Variants in RAD51B observed in about 807,000 individuals in gnomAD.
The protein encoded by RAD51B is RAD51 paralog B, also known as DNA repair protein RAD51 homolog 2.
In RAD51B, 38 loss-of-function variants were observed where a neutral mutation model predicts 42.2. The ratio of observed to expected loss-of-function variants is 0.90; its 90% CI spans 0.70 to 1.18. The LOEUF is 1.18. Ranked by LOEUF, RAD51B falls within the 50% of genes most tolerant of loss-of-function variation. RAD51B has a pLI of 0.00. For synonymous variants in RAD51B, 154 were observed against 145.2 expected, an observed-to-expected ratio of 1.06 and a Z score of -0.43; for missense variants, 373 against 400.7, an observed-to-expected ratio of 0.93 and a Z score of 0.59.
At chr14:68,662,155 C>G (rs1892946057) in intron 11 of RAD51B, among the ~76,000 whole-genome samples, 5 of 152,218 alleles carry the variant, frequency 3.3e-5, no homozygotes, top group Admixed American at 3.3e-4. Context: ...ATCTTCAACA[C>G]TCTTCTTCAG....
At chr14:68,360,348 G>A (rs1296317618) in intron 8 of RAD51B, among the ~76,000 whole-genome samples, 1 of 152,220 alleles carries the variant, frequency 6.6e-6, no homozygotes, top group Non-Finnish European at 1.5e-5. Context: ...TACCCTAAGT[G>A]CACTGAGCTT....
At chr14:68,355,135 G>A (rs1240955309) in intron 8 of RAD51B, among the ~76,000 whole-genome samples, 1 of 152,080 alleles carries the variant, frequency 6.6e-6, no homozygotes, top group Non-Finnish European at 1.5e-5. Flanking sequence ...CTGTAGAGAT[G>A]GCACTCTTGC....
intron 8 of RAD51B, among the ~76,000 whole-genome samples, chr14:68,323,560 G>A (rs1201442052): frequency 1.3e-5 from 2 of 152,168 alleles, no homozygotes; most frequent in Non-Finnish European, 2.9e-5. Flanking sequence ...GAGAGGCCAA[G>A]GCAGGTGGAT....
intron 10 of RAD51B, among the ~76,000 whole-genome samples, chr14:68,538,009 G>A (rs541642243): frequency 1.3e-5 from 2 of 152,246 alleles, no homozygotes; most frequent in East Asian, 3.9e-4. Context: ...TTAAGTCAGC[G>A]ATCTCAAACT....
chr14:68,232,384 A>C (rs1330681644), intron 7 of RAD51B, among the ~76,000 whole-genome samples: 1 of 152,200 alleles, frequency 6.6e-6, no homozygotes, highest in Non-Finnish European at 1.5e-5. Flanking sequence ...AAAGAAAAGA[A>C]AAGCAAGATG....
intron 8 of RAD51B, among the ~76,000 whole-genome samples, chr14:68,381,336 AT>A (rs1351901833): frequency 6.6e-6 from 1 of 152,156 alleles, no homozygotes; most frequent in African/African-American, 2.4e-5. Context: ...ATATTGGTCT[AT>A]TTCCTAGTTC....
chr14:68,096,205 C>T (rs1254805817), intron 7 of RAD51B, among the ~76,000 whole-genome samples: 1 of 152,142 alleles, frequency 6.6e-6, no homozygotes, highest in African/African-American at 2.4e-5. Context: ...GATTTTAACC[C>T]TGCTCTTTGG....
At chr14:68,488,361 T>G (rs796643629) in intron 10 of RAD51B, among the ~76,000 whole-genome samples, 1 of 152,282 alleles carries the variant, frequency 6.6e-6, no homozygotes, top group South Asian at 2.1e-4. Flanking sequence ...GGGCACCAGT[T>G]ACTGACAAAG....
chr14:68,426,007 C>CTTTCTTTCTTTCTTT (rs2084835108), intron 9 of RAD51B, among the ~76,000 whole-genome samples: 1 of 116,634 alleles, frequency 8.6e-6, no homozygotes, highest in African/African-American at 3.7e-5. Flanking sequence ...TTCCTTCCTT[C>CTTTCTTTCTTTCTTT]CTTTCTTTCT....
chr14:68,462,776 G>C (rs936382745), intron 9 of RAD51B, among the ~76,000 whole-genome samples: 1 of 152,198 alleles, frequency 6.6e-6, no homozygotes, highest in Non-Finnish European at 1.5e-5. Context: ...AGCCAAGCTG[G>C]TCTGATATGA....
At chr14:68,641,573 T>TAGGCC (rs1566962208) in intron 10 of RAD51B, among the ~76,000 whole-genome samples, 6 of 146,138 alleles carry the variant, frequency 4.1e-5, no homozygotes, top group Admixed American at 6.8e-5. Context: ...AGATGTTAGC[T>TAGGCC]GTAGATTTTT....
intron 10 of RAD51B, among the ~76,000 whole-genome samples, chr14:68,568,622 C>T (rs1424442123): frequency 6.6e-6 from 1 of 152,164 alleles, no homozygotes; most frequent in African/African-American, 2.4e-5. Context: ...ATACACTACC[C>T]TGTGTTGCTC....
At chr14:68,122,134 T>G (rs962474898) in intron 7 of RAD51B, among the ~76,000 whole-genome samples, 3 of 152,112 alleles carry the variant, frequency 2.0e-5, no homozygotes, top group African/African-American at 7.2e-5. Context: ...CAAAAAAGTA[T>G]TGGAAGAATA....
chr14:68,523,894 G>T (rs535515219), intron 10 of RAD51B, among the ~76,000 whole-genome samples: 1 of 152,192 alleles, frequency 6.6e-6, no homozygotes, highest in Non-Finnish European at 1.5e-5. Context: ...AAACAAAGAA[G>T]CATATTGCTT....
intron 7 of RAD51B, among the ~76,000 whole-genome samples, chr14:68,225,570 A>G (rs2080021300): frequency 6.6e-6 from 1 of 152,216 alleles, no homozygotes; most frequent in Non-Finnish European, 1.5e-5. Context: ...ATTTAGAACC[A>G]TACTTGGAAA....
chr14:68,540,859 A>G, intron 10 of RAD51B: 1 of 985,446 alleles, frequency 1.0e-6, no homozygotes, highest in Non-Finnish European at 1.2e-6. Context: ...TTATTGGAAT[A>G]AAGATTCCAT....
rs956354502 is a variant in RAD51B at position 68,115,096 on chromosome 14, G to A, written c.757-176788G>A. Among the ~76,000 whole-genome samples, 8 of 139,750 alleles carry A rather than the reference G, an allele frequency of 5.7e-5. 1 individual carries two copies. The East Asian group carries it at 6.1e-4, about 11-fold the overall frequency. 91.7% of individuals were successfully genotyped at this position (139,750 alleles called of 152,430 possible). A position where few individuals can be genotyped will look rare whatever the true frequency, so the allele number is the denominator to read the frequency against. On this transcript the variant is annotated intron_variant, in intron 7 of 10. Coordinates refer to ENST00000471583, the MANE Select transcript of RAD51B (RefSeq NM_133510.4). ...TGCTGCTATAAAGACACATGCACAC[G>A]TATGTTTATTGTGGCATTATTCACA...
intron 7 of RAD51B, among the ~76,000 whole-genome samples, chr14:68,195,231 C>T (rs1051438311): frequency 6.6e-6 from 1 of 152,174 alleles, no homozygotes; most frequent in Non-Finnish European, 1.5e-5. Flanking sequence ...CACTCCCATT[C>T]GTTCATTTTT....
chr14:68,297,122 C>T (rs1198754596), intron 8 of RAD51B, among the ~76,000 whole-genome samples: 1 of 152,208 alleles, frequency 6.6e-6, no homozygotes, highest in African/African-American at 2.4e-5. Flanking sequence ...AAGTTTGTGG[C>T]TTGTGTTCTC....
Sources: allele counts gnomAD v4.1 joint callset (sites outside exome capture counted in the v4.1 genomes callset), GRCh38; gene constraint gnomAD v4.1.1; transcripts MANE v1.5; gene names NCBI Gene and HGNC (gene_info 2026-07-23, HGNC 2026-07-21).